Variants in RTL4 observed in about 807,000 individuals in gnomAD.
The protein encoded by RTL4 is retrotransposon Gag like 4.
RTL4 carries 4 observed loss-of-function variants against 5.3 expected under a neutral mutation model. The ratio of observed to expected loss-of-function variants is 0.75; its 90% confidence interval spans 0.37 to 1.72. The LOEUF (loss-of-function observed/expected upper bound fraction) is 1.72, where lower values mean the gene tolerates loss of function less well. Ranked by LOEUF, RTL4 falls within the 40% of genes most tolerant of loss-of-function variation. The probability of loss-of-function intolerance (pLI) is 0.04; values close to 1 mark genes in which losing one functional copy is unlikely to be tolerated. For synonymous variants in RTL4, 98 were observed against 87.3 expected (o/e 1.12, Z -0.68); for missense variants, 260 against 227.1 (o/e 1.14, Z -0.93).
At chrX:112,166,931 C>G in the RTL4 span, among the ~76,000 whole-genome samples, 3 of 111,848 alleles carry the variant, frequency 2.7e-5, no homozygotes, top group Non-Finnish European at 5.6e-5. Flanking sequence ...TAAGTCCATT[C>G]TCTTTCTATT....
At chrX:112,177,765 C>T in the RTL4 span, among the ~76,000 whole-genome samples, 6 of 110,939 alleles carry the variant, frequency 5.4e-5, no homozygotes, top group Non-Finnish European at 9.4e-5. Flanking sequence ...TAGGTACAGA[C>T]CATCCAGTTT....
the RTL4 span, among the ~76,000 whole-genome samples, chrX:112,251,259 A>G: frequency 8.9e-6 from 1 of 112,459 alleles, no homozygotes; most frequent in Non-Finnish European, 1.9e-5. Flanking sequence ...TTAAAAAGTC[A>G]TGTGTTAGAT....
the RTL4 span, among the ~76,000 whole-genome samples, chrX:112,204,890 C>T: frequency 2.0e-4 from 22 of 111,259 alleles, no homozygotes; most frequent in African/African-American, 5.5e-4. Context: ...TATTTTACAT[C>T]GCATGCCTGG....
At chrX:112,095,675 G>C in the RTL4 span, among the ~76,000 whole-genome samples, 2 of 111,614 alleles carry the variant, frequency 1.8e-5, no homozygotes, top group African/African-American at 6.5e-5. Flanking sequence ...CAATGGAAGT[G>C]TAGGAACTTG....
At chrX:112,364,302 C>A in the RTL4 span, among the ~76,000 whole-genome samples, 1 of 111,283 alleles carries the variant, frequency 9.0e-6, no homozygotes, top group Non-Finnish European at 1.9e-5. Flanking sequence ...CCACAACACA[C>A]CCTCTACTCC....
chrX:112,119,366 G>A, the RTL4 span, among the ~76,000 whole-genome samples: 12 of 110,355 alleles, frequency 1.1e-4, no homozygotes, highest in Non-Finnish European at 2.3e-4. Flanking sequence ...GAGAGAAAAG[G>A]GATCATTGAT....
chrX:112,231,859 G>T, the RTL4 span, among the ~76,000 whole-genome samples: 1 of 111,682 alleles, frequency 9.0e-6, no homozygotes, highest in Non-Finnish European at 1.9e-5. Context: ...TATGTGGCTT[G>T]TCTGAAGTTA....
At chrX:112,414,549 T>C in the RTL4 span, among the ~76,000 whole-genome samples, 7 of 111,727 alleles carry the variant, frequency 6.3e-5, no homozygotes, top group African/African-American at 2.3e-4. Flanking sequence ...TCTAGCCACC[T>C]GCTCCAGTAT....
At chrX:112,279,352 T>C in the RTL4 span, among the ~76,000 whole-genome samples, 4 of 111,373 alleles carry the variant, frequency 3.6e-5, no homozygotes, top group African/African-American at 1.3e-4. Flanking sequence ...AGGTCATATA[T>C]TAAGCATAGA....
At chrX:112,309,330 C>T in the RTL4 span, among the ~76,000 whole-genome samples, 3 of 110,728 alleles carry the variant, frequency 2.7e-5, no homozygotes, top group African/African-American at 9.8e-5. Context: ...CTAATCCTAT[C>T]ATGAGAGCTC....
At chrX:112,368,895 G>A in the RTL4 span, among the ~76,000 whole-genome samples, 2 of 112,517 alleles carry the variant, frequency 1.8e-5, no homozygotes, top group African/African-American at 6.5e-5. Context: ...ATAACCAGAT[G>A]TTGATGTATG....
chrX:112,179,382 A>C, the RTL4 span, among the ~76,000 whole-genome samples: 1 of 111,718 alleles, frequency 9.0e-6, no homozygotes, highest in Non-Finnish European at 1.9e-5. Context: ...ATGAAAAAAA[A>C]ACCAAGTAGT....
the RTL4 span, among the ~76,000 whole-genome samples, chrX:112,425,485 T>C: frequency 1.5e-3 from 165 of 111,005 alleles, no homozygotes; most frequent in Non-Finnish European, 2.2e-3. Flanking sequence ...GGACGATTAG[T>C]TTTGTAATAA....
the RTL4 span, among the ~76,000 whole-genome samples, chrX:112,352,138 C>G: frequency 1.1e-3 from 116 of 110,332 alleles, no homozygotes; most frequent in African/African-American, 3.5e-3. Flanking sequence ...GCTTAGTTTG[C>G]CTGGATATGA....
At chrX:112,430,612 G>A in the RTL4 span, among the ~76,000 whole-genome samples, 1 of 111,256 alleles carries the variant, frequency 9.0e-6, no homozygotes, top group Non-Finnish European at 1.9e-5. Flanking sequence ...TCTTGAGACG[G>A]ATTCTCACTC....
chrX:112,234,946 T>C, the RTL4 span, among the ~76,000 whole-genome samples: 4 of 111,594 alleles, frequency 3.6e-5, no homozygotes, highest in African/African-American at 1.3e-4. Context: ...GTTTGGCTAG[T>C]ATTTATCAAG....
At chrX:112,114,839 C>G in the RTL4 span, among the ~76,000 whole-genome samples, 7 of 111,314 alleles carry the variant, frequency 6.3e-5, no homozygotes, top group Non-Finnish European at 1.3e-4. Context: ...GAAAAGAAAG[C>G]TTGGACAGAA....
At chrX:112,170,599 T>C in the RTL4 span, among the ~76,000 whole-genome samples, 1 of 112,313 alleles carries the variant, frequency 8.9e-6, no homozygotes, top group Non-Finnish European at 1.9e-5. Context: ...ACATTGATTT[T>C]GTATCTTGAG....
the RTL4 span, among the ~76,000 whole-genome samples, chrX:112,215,726 G>A: frequency 8.9e-6 from 1 of 111,790 alleles, no homozygotes; most frequent in Non-Finnish European, 1.9e-5. Context: ...TCTTCCTTTT[G>A]GCTATTGTGA....
Sources: allele counts gnomAD v4.1 joint callset (sites outside exome capture counted in the v4.1 genomes callset), GRCh38; gene constraint gnomAD v4.1.1; transcripts MANE v1.5; gene names NCBI Gene and HGNC (gene_info 2026-07-23, HGNC 2026-07-21).